Variants in CTNNBL1 observed in about 807,000 individuals in gnomAD.
CTNNBL1 encodes the protein beta-catenin-like protein 1.
CTNNBL1 carries 31 observed loss-of-function variants against 72.7 expected under a neutral mutation model. The observed-to-expected ratio is 0.43, with a 90% CI of 0.32 to 0.58. The LOEUF (loss-of-function observed/expected upper bound fraction) is 0.58, where lower values mean the gene tolerates loss of function less well. Among genes scored for constraint, CTNNBL1 ranks in the 20% least tolerant of loss-of-function variants. The pLI is 0.08. For synonymous variants in CTNNBL1, 240 were observed against 267.3 expected, an observed-to-expected ratio of 0.90 and a Z score of 1.00; for missense variants, 534 against 725.1, an observed-to-expected ratio of 0.74 and a Z score of 3.03.
Position 37,747,016 on chromosome 20 carries a change from C to T in CTNNBL1, c.466+409C>T, listed in dbSNP as rs116107489. Among the ~76,000 whole-genome samples the T allele has an allele frequency of 6.0e-3, 908 of 152,244 alleles. 6 individuals are homozygous for T. Among genetic ancestry groups the T allele is most frequent in the African/African-American group, 0.021 (866 of 41,550 alleles). ...TGGAGTTGAGACTAGAGATAGTGAA[C>T]CATGGTAAAAAGCACATTTGGATGT... On this transcript the variant is annotated intron_variant, in intron 4 of 15. Transcript: ENST00000361383.
At chr20:37,794,177 C>T (rs1218279855) in intron 10 of CTNNBL1, among the ~76,000 whole-genome samples, 1 of 152,136 alleles carries the variant, frequency 6.6e-6, no homozygotes, top group Non-Finnish European at 1.5e-5. Context: ...CTCTTCATTC[C>T]TTTGTGTAGA....
chr20:37,785,505 GCTTA>G (rs1465015973), intron 10 of CTNNBL1, among the ~76,000 whole-genome samples: 2 of 152,084 alleles, frequency 1.3e-5, no homozygotes, highest in Non-Finnish European at 2.9e-5. Context: ...CTGTCTTCAA[GCTTA>G]CTAATTCTTT....
At chr20:37,711,591 AAAC>A (rs1460482155) in intron 1 of CTNNBL1, among the ~76,000 whole-genome samples, 2 of 149,144 alleles carry the variant, frequency 1.3e-5, no homozygotes, top group Non-Finnish European at 3.0e-5. Flanking sequence ...AGATAAATAA[AAAC>A]AAGATAATTT....
intron 7 of CTNNBL1, among the ~76,000 whole-genome samples, chr20:37,776,559 C>T (rs1369829179): frequency 6.6e-6 from 1 of 152,084 alleles, no homozygotes; most frequent in Non-Finnish European, 1.5e-5. Context: ...AAAAACACAC[C>T]ACTGAGACTC....
intron 13 of CTNNBL1, among the ~76,000 whole-genome samples, chr20:37,849,402 C>T (rs2072375975): frequency 6.6e-6 from 1 of 152,222 alleles, no homozygotes; most frequent in South Asian, 2.1e-4. Flanking sequence ...GCTCTAGATA[C>T]ATCCCTCACC....
At position 37,709,956 on chromosome 20, in the gene CTNNBL1, G is replaced by A. The variant is rs1249747115; in HGVS notation, c.30+15804G>A. On this transcript the variant is annotated intron_variant, in intron 1 of 15. Transcript: ENST00000361383. ...TCCAGCTTCTTCTTTGTACACATGG[G>A]TAAACCAGAGAGCCCAGAGAGGGAA... Among the ~76,000 whole-genome samples, 3 of 152,332 alleles carry A rather than the reference G, an allele frequency of 2.0e-5. 1 individual carries two copies. The highest frequency in any genetic ancestry group is 6.8e-3 in the Middle Eastern group (2 of 294).
At chr20:37,848,620 A>G (rs2072367808) in intron 13 of CTNNBL1, among the ~76,000 whole-genome samples, 1 of 151,956 alleles carries the variant, frequency 6.6e-6, no homozygotes, top group Non-Finnish European at 1.5e-5. Context: ...TTCACCCTCT[A>G]CTGCCTCCCT....
chr20:37,715,484 A>G (rs1600439131), intron 1 of CTNNBL1, among the ~76,000 whole-genome samples: 1 of 152,246 alleles, frequency 6.6e-6, no homozygotes, highest in Non-Finnish European at 1.5e-5. Flanking sequence ...GGAATTCTTT[A>G]TGGTTTCTGT....
chr20:37,857,406 C>T lies in CTNNBL1; in HGVS notation c.1393-2493C>T, dbSNP rs191511955. Among the ~76,000 whole-genome samples, 16 of 152,308 alleles carry T rather than the reference C, an allele frequency of 1.1e-4. No homozygotes were observed. The East Asian group carries it at 3.1e-3, about 29-fold the overall frequency. On this transcript the variant is annotated intron_variant, in intron 13 of 15. Transcript: ENST00000361383. ...GGGCGCATGCTGCATTTCACACATC[C>T]AACACCCCCCAGGCCAAAGCTCTGA... is the stretch of plus-strand genomic sequence containing the variant.
intron 11 of CTNNBL1, among the ~76,000 whole-genome samples, chr20:37,837,070 T>G (rs1045499145): frequency 1.3e-5 from 2 of 152,202 alleles, no homozygotes; most frequent in African/African-American, 4.8e-5. Context: ...CCAACTTGGT[T>G]GGCACAAGGT....
intron 1 of CTNNBL1, among the ~76,000 whole-genome samples, chr20:37,702,062 A>C (rs1402802808): frequency 6.6e-6 from 1 of 152,174 alleles, no homozygotes; most frequent in Non-Finnish European, 1.5e-5. Context: ...TTTTTAAAAA[A>C]TAGAATCAGG....
intron 11 of CTNNBL1, among the ~76,000 whole-genome samples, chr20:37,831,227 T>TAGCC (rs1182809669): frequency 1.3e-5 from 2 of 152,230 alleles, no homozygotes; most frequent in African/African-American, 4.8e-5. Context: ...TTCCAGTGTG[T>TAGCC]AGCCACTCCT....
Position 37,779,096 on chromosome 20 carries a change from A to G in CTNNBL1, c.883-91A>G, listed in dbSNP as rs529775902. Reference sequence around the variant, plus strand: ...CTTCTGTTTCCTCAGTCGTAGAGTTATGACCCACAGGTTTTAGGAATTGTT... The same window carrying G: ...CTTCTGTTTCCTCAGTCGTAGAGTTGTGACCCACAGGTTTTAGGAATTGTT... On this transcript the variant is annotated intron_variant, in intron 9 of 15. Transcript: ENST00000361383. 4.2e-5 allele frequency: 55 copies of G among 1,300,364 alleles called. No homozygotes were observed. The African/African-American group carries it at 7.8e-4, about 18-fold the overall frequency. The allele number at this position is 1,300,364 out of a possible 1,614,324, so 80.6% of individuals were successfully genotyped here. A position where few individuals can be genotyped will look rare whatever the true frequency, so the allele number is the denominator to read the frequency against.
chr20:37,841,067 ATGGAT>A (rs2072300009), intron 12 of CTNNBL1, among the ~76,000 whole-genome samples: 1 of 152,252 alleles, frequency 6.6e-6, no homozygotes, highest in African/African-American at 2.4e-5. Flanking sequence ...AGTGACTACT[ATGGAT>A]TGGATAATAG....
chr20:37,780,169 G>C (rs1490482644), intron 10 of CTNNBL1, among the ~76,000 whole-genome samples: 1 of 149,436 alleles, frequency 6.7e-6, no homozygotes, highest in Non-Finnish European at 1.5e-5. Context: ...AAAAAAACAA[G>C]AAAAAAAGAA....
intron 3 of CTNNBL1, among the ~76,000 whole-genome samples, chr20:37,741,660 C>G (rs1295898174): frequency 6.6e-6 from 1 of 152,190 alleles, no homozygotes; most frequent in African/African-American, 2.4e-5. Context: ...TGACTGGCAC[C>G]TAGTATGTGC....
At chr20:37,733,194 A>C in intron 2 of CTNNBL1, 127 bp downstream of exon 2, 2 of 792,086 alleles carry the variant, frequency 2.5e-6, no homozygotes, top group Non-Finnish European at 4.0e-6. Context: ...TTCATATTTC[A>C]TCGCGTTAAT....
intron 11 of CTNNBL1, among the ~76,000 whole-genome samples, chr20:37,839,725 C>T (rs1430327917): frequency 6.6e-6 from 1 of 152,140 alleles, no homozygotes; most frequent in African/African-American, 2.4e-5. Context: ...TGTCTTATCT[C>T]CATTATTTGT....
intron 11 of CTNNBL1, among the ~76,000 whole-genome samples, chr20:37,820,880 A>G (rs909181447): frequency 6.6e-6 from 1 of 152,214 alleles, no homozygotes; most frequent in African/African-American, 2.4e-5. Context: ...GTGGCTGTAA[A>G]GTATGAATAA....
Sources: allele counts gnomAD v4.1 joint callset (sites outside exome capture counted in the v4.1 genomes callset), GRCh38; gene constraint gnomAD v4.1.1; transcripts MANE v1.5; gene names NCBI Gene and HGNC (gene_info 2026-07-23, HGNC 2026-07-21).